Variants in MOXD1 observed in about 807,000 individuals in gnomAD.
MOXD1 encodes the protein monooxygenase DBH like 1, also known as DBH-like monooxygenase protein 1.
In MOXD1, 62 loss-of-function variants were observed where a neutral mutation model predicts 66.6. The ratio of observed to expected loss-of-function variants is 0.93; its 90% CI spans 0.76 to 1.15. The LOEUF (loss-of-function observed/expected upper bound fraction) is 1.15. MOXD1 is among the 50% of genes most tolerant of loss of function. The pLI, the probability that MOXD1 is intolerant of heterozygous loss-of-function variation, is 0.00. For synonymous variants in MOXD1, 303 were observed against 281.9 expected (o/e 1.07, Z -0.75); for missense variants, 847 against 754.6 (o/e 1.12, Z -1.44).
intron 10 of MOXD1, among the ~76,000 whole-genome samples, chr6:132,311,389 AT>A (rs1365508175): frequency 1.3e-5 from 2 of 151,872 alleles, no homozygotes; most frequent in East Asian, 3.8e-4. Context: ...AAGTGTAAAC[AT>A]TAAAAATCTT....
chr6:132,375,385 G>A (rs867789966), intron 1 of MOXD1, among the ~76,000 whole-genome samples: 13 of 152,254 alleles, frequency 8.5e-5, no homozygotes, highest in African/African-American at 2.9e-4. Flanking sequence ...TTGTTTTGGG[G>A]GATTAGCCAT....
chr6:132,349,133 C>G (rs1426970120), intron 4 of MOXD1, among the ~76,000 whole-genome samples: 1 of 150,648 alleles, frequency 6.6e-6, no homozygotes, highest in African/African-American at 2.4e-5. Context: ...CTTGCCCACC[C>G]CCACCCTTTC....
At chr6:132,335,312 G>T (rs996035631) in intron 4 of MOXD1, among the ~76,000 whole-genome samples, 3 of 151,866 alleles carry the variant, frequency 2.0e-5, no homozygotes, top group African/African-American at 7.3e-5. Context: ...CCTGTGCTGG[G>T]TTGAACAGCG....
intron 4 of MOXD1, among the ~76,000 whole-genome samples, chr6:132,364,694 A>G (rs972048636): frequency 1.3e-5 from 2 of 152,226 alleles, no homozygotes; most frequent in African/African-American, 4.8e-5. Flanking sequence ...GAGGTATCTG[A>G]AAACTGAAGC....
intron 1 of MOXD1, among the ~76,000 whole-genome samples, chr6:132,386,617 G>T (rs1776651846): frequency 6.6e-6 from 1 of 151,288 alleles, no homozygotes; most frequent in African/African-American, 2.4e-5. Flanking sequence ...TGAATAACCT[G>T]AAAGTGTAAA....
At chr6:132,347,926 G>A (rs1297952061) in intron 4 of MOXD1, among the ~76,000 whole-genome samples, 38 of 151,350 alleles carry the variant, frequency 2.5e-4, no homozygotes, top group Admixed American at 2.4e-3. Context: ...TGAACATGAG[G>A]CCCCCATTTA....
intron 4 of MOXD1, among the ~76,000 whole-genome samples, chr6:132,344,748 C>T (rs1775635475): frequency 6.6e-6 from 1 of 152,130 alleles, no homozygotes; most frequent in Non-Finnish European, 1.5e-5. Context: ...CTATTCTGAA[C>T]TCATGAAAGT....
Position 132,401,260 on chromosome 6 carries a change from G to C in MOXD1, c.167C>G (p.Thr56Ser), listed in dbSNP as rs1777020337. 2 of 1,596,462 alleles carry C rather than the reference G, an allele frequency of 1.3e-6. No individual in the cohort carries two copies. The highest frequency in any genetic ancestry group is 2.2e-5 in the South Asian group (2 of 89,688). Residue 56 changes from threonine to serine, a missense_variant, in exon 1 of 12, where the codon ACT becomes AGT. Coordinates refer to ENST00000367963, the MANE Select transcript of MOXD1 (RefSeq NM_015529.4). ...GAAGCCGAAGCCCACGTAGCCTGCA[G>C]TGCGCACCTGGAGGCGGAAGGCGAT... ...SQIAFRLQVR[T>S]AGYVGFGFSP... is the part of the protein sequence containing the mutation.
At position 132,297,846 on chromosome 6, in the gene MOXD1, G is replaced by A. The variant is rs1398717929; in HGVS notation, c.1618C>T (p.Leu540=). ...TKKEGLSFNK[L]VLSLPVNVRC... is the part of the protein sequence containing the mutation. ...ACATTCACTGGCAGGCTGAGGACCA[G>A]CTTGTTGAAGGAGAGACCTTCCTTT... The change falls in exon 11 of 12, where the codon CTG becomes TTG. Residue 540 remains leucine (L), a synonymous_variant. Transcript: ENST00000367963. 15 of 1,613,218 alleles carry A rather than the reference G, an allele frequency of 9.3e-6. No homozygotes were observed. Among genetic ancestry groups the A allele is most frequent in the East Asian group, 2.2e-5 (1 of 44,842 alleles).
chr6:132,316,286 C>A (rs1774953771), intron 9 of MOXD1, among the ~76,000 whole-genome samples: 1 of 151,966 alleles, frequency 6.6e-6, no homozygotes, highest in Non-Finnish European at 1.5e-5. Context: ...AACATATTAT[C>A]TAATATGTCT....
chr6:132,378,977 G>A (rs868356526), intron 1 of MOXD1, among the ~76,000 whole-genome samples: 6 of 131,998 alleles, frequency 4.5e-5, no homozygotes, highest in African/African-American at 1.5e-4. Flanking sequence ...AGCTTGGTGC[G>A]ATCTCAGTTT....
intron 10 of MOXD1, among the ~76,000 whole-genome samples, chr6:132,310,873 T>C (rs1211522737): frequency 6.6e-6 from 1 of 151,676 alleles, no homozygotes; most frequent in Non-Finnish European, 1.5e-5. Flanking sequence ...GGAGGGAATA[T>C]AGAAGATGGG....
intron 4 of MOXD1, among the ~76,000 whole-genome samples, chr6:132,339,867 C>CTTTTTTTT (rs373137834): frequency 7.6e-6 from 1 of 132,356 alleles, no homozygotes. Flanking sequence ...AGCTACAGCT[C>CTTTTTTTT]TTTTTTTTTT....
intron 10 of MOXD1, among the ~76,000 whole-genome samples, chr6:132,303,808 T>C (rs1278419716): frequency 1.8e-3 from 52 of 28,370 alleles, no homozygotes; most frequent in African/African-American, 0.012. Flanking sequence ...TACACACACA[T>C]GTGTGTGTGT....
chr6:132,336,967 A>C lies in MOXD1; in HGVS notation c.664-8373T>G, dbSNP rs191435633. 2.9e-3 allele frequency among the ~76,000 whole-genome samples: 444 copies of C among 152,286 alleles called. 3 individuals are homozygous for C. Among genetic ancestry groups the C allele is most frequent in the Non-Finnish European group, 4.1e-3 (278 of 68,018 alleles). ...CTCTAGAAGCTGAATATGAGCTGTG[A>C]GGTTCAGCAACCTCCAGGGATGATG... On this transcript the variant is annotated intron_variant, in intron 4 of 11. Coordinates refer to ENST00000367963, the MANE Select transcript of MOXD1 (RefSeq NM_015529.4).
chr6:132,305,304 G>A (rs1187536089), intron 10 of MOXD1, among the ~76,000 whole-genome samples: 1 of 152,222 alleles, frequency 6.6e-6, no homozygotes, highest in Non-Finnish European at 1.5e-5. Context: ...CTCACTGGGT[G>A]GGGCTTCCCT....
At chr6:132,324,806 GTAAC>G (rs1341667736) in intron 6 of MOXD1, among the ~76,000 whole-genome samples, 1 of 152,140 alleles carries the variant, frequency 6.6e-6, no homozygotes, top group African/African-American at 2.4e-5. Flanking sequence ...TCCTTCTGCA[GTAAC>G]TAACAGATTG....
intron 4 of MOXD1, among the ~76,000 whole-genome samples, chr6:132,356,657 T>A (rs1775915284): frequency 6.6e-6 from 1 of 152,184 alleles, no homozygotes; most frequent in African/African-American, 2.4e-5. Flanking sequence ...TTATGGTTTA[T>A]ACATAATAGG....
At chr6:132,333,334 T>TTAA (rs1775365704) in intron 4 of MOXD1, among the ~76,000 whole-genome samples, 1 of 52,154 alleles carries the variant, frequency 1.9e-5, no homozygotes, top group African/African-American at 2.8e-4. Flanking sequence ...AGACTCCGTC[T>TTAA]CAAAAAAAAA....
Sources: allele counts gnomAD v4.1 joint callset (sites outside exome capture counted in the v4.1 genomes callset), GRCh38; gene constraint gnomAD v4.1.1; transcripts MANE v1.5; gene names NCBI Gene and HGNC (gene_info 2026-07-23, HGNC 2026-07-21).